SENP5: variants seen among roughly 807,000 people sequenced by gnomAD.
SENP5 encodes the protein SUMO specific peptidase 5, also known as sentrin-specific protease 5.
SENP5 carries 21 observed loss-of-function variants against 74.2 expected under a neutral mutation model. The observed-to-expected ratio is 0.28, with a 90% CI of 0.20 to 0.41. The LOEUF is 0.41. SENP5 is among the 10% of genes least tolerant of loss of function. The pLI is 1.00. For missense variants in SENP5, 717 were observed against 889.1 expected (o/e 0.81, Z 2.46); for synonymous variants, 311 against 312.7 (o/e 0.99, Z 0.06).
intron 6 of SENP5, among the ~76,000 whole-genome samples, chr3:196,907,007 A>G (rs2108843758): frequency 6.6e-6 from 1 of 152,286 alleles, no homozygotes; most frequent in South Asian, 2.1e-4. Flanking sequence ...GGTTATGGAG[A>G]TGAAGGACAA....
In SENP5 at chr3:196,899,986, G is replaced by A; in HGVS notation, c.1682G>A (p.Arg561His). 1.2e-6 allele frequency: 2 copies of A among 1,614,032 alleles called. No individual in the cohort carries two copies. Among genetic ancestry groups the A allele is most frequent in the Non-Finnish European group, 1.7e-6 (2 of 1,179,980 alleles). Reference sequence around the variant, plus strand: ...GCCAGACATCAAAAATGTAACTTCCGTATCTTCTATAATAAACACATGCTG... The same window carrying A: ...GCCAGACATCAAAAATGTAACTTCCATATCTTCTATAATAAACACATGCTG... ...YRARHQKCNF[R>H]IFYNKHMLDM... is the part of the protein sequence containing the mutation. The change falls in exon 4 of 10, where the codon CGT becomes CAT. Residue 561 changes from arginine to histidine, a missense_variant. Arg to His is a conservative substitution (Grantham distance 29, BLOSUM62 0). Coordinates refer to ENST00000323460, the MANE Select transcript of SENP5 (RefSeq NM_152699.5).
intron 2 of SENP5, among the ~76,000 whole-genome samples, chr3:196,898,120 G>A (rs1337735669): frequency 6.6e-6 from 1 of 150,970 alleles, no homozygotes; most frequent in Non-Finnish European, 1.5e-5. Flanking sequence ...GTGGGTTGCA[G>A]TGAGCCGAAA....
chr3:196,891,162 G>C (rs1350695578), intron 2 of SENP5, among the ~76,000 whole-genome samples: 1 of 152,118 alleles, frequency 6.6e-6, no homozygotes, highest in East Asian at 1.9e-4. Context: ...ATGCACCTTG[G>C]AAGCATGCTA....
At position 196,886,529 on chromosome 3, in the gene SENP5, C is replaced by A; in HGVS notation, c.1348C>A (p.Gln450Lys). 6.2e-7 allele frequency: 1 copy of A among 1,613,746 alleles called. No homozygotes were observed. The highest frequency in any genetic ancestry group is 1.1e-5 in the South Asian group (1 of 90,992). Residue 450 changes from glutamine (Q) to lysine (K), a missense_variant, in exon 2 of 10, where the codon CAG becomes AAG. Gln to Lys is a moderately conservative substitution (Grantham distance 53). Coordinates refer to ENST00000323460, the MANE Select transcript of SENP5 (RefSeq NM_152699.5). ...GATGGAGGAGGATGGATCTCTCAAG[C>A]AGAGCATTCTTAGTTCTGAGTTGCT... ...YQMEEDGSLK[Q>K]SILSSELLDH...
intron 9 of SENP5, among the ~76,000 whole-genome samples, chr3:196,930,462 A>C (rs181297773): frequency 6.6e-6 from 1 of 152,354 alleles, no homozygotes; most frequent in Admixed American, 6.5e-5. Context: ...GTTTAAACAG[A>C]CATGAAAATG....
chr3:196,898,302 A>G (rs931604903), intron 2 of SENP5, among the ~76,000 whole-genome samples: 3 of 151,896 alleles, frequency 2.0e-5, no homozygotes, highest in Non-Finnish European at 4.4e-5. Context: ...TTACCTGAAG[A>G]CTGTCCTATG....
chr3:196,899,367 A>G (rs1714599459), intron 2 of SENP5, among the ~76,000 whole-genome samples: 2 of 151,106 alleles, frequency 1.3e-5, no homozygotes, highest in African/African-American at 4.9e-5. Context: ...AGCTGTGGGA[A>G]GCTGTTAGTA....
At chr3:196,929,165 A>G (rs1715929813) in intron 8 of SENP5, 1 of 153,658 alleles carries the variant, frequency 6.5e-6, no homozygotes, top group African/African-American at 2.4e-5. Context: ...GAAAAACCCA[A>G]AACAAAAACC....
At chr3:196,870,006 A>G (rs896242657) in intron 1 of SENP5, among the ~76,000 whole-genome samples, 4 of 152,008 alleles carry the variant, frequency 2.6e-5, no homozygotes, top group Non-Finnish European at 5.9e-5. Flanking sequence ...ATGGCCATTT[A>G]CTTTGTGTTA....
At chr3:196,914,589 ATATATATAT>A (rs1560156957) in intron 6 of SENP5, 2 of 105,826 alleles carry the variant, frequency 1.9e-5, no homozygotes, top group African/African-American at 3.6e-5. Flanking sequence ...AAAAAAAAAT[ATATATATAT>A]ATATATATAT....
intron 6 of SENP5, among the ~76,000 whole-genome samples, chr3:196,906,410 T>C (rs1179647899): frequency 6.6e-6 from 1 of 152,152 alleles, no homozygotes; most frequent in Non-Finnish European, 1.5e-5. Context: ...AGTCTAGTGG[T>C]GGAGACAGCA....
intron 6 of SENP5, among the ~76,000 whole-genome samples, chr3:196,908,526 A>C (rs534893039): frequency 6.6e-6 from 1 of 152,286 alleles, no homozygotes; most frequent in Admixed American, 6.5e-5. Context: ...ATCACAATTA[A>C]AAGAACTAGA....
chr3:196,906,679 T>C (rs1191817931), intron 6 of SENP5, among the ~76,000 whole-genome samples: 1 of 152,184 alleles, frequency 6.6e-6, no homozygotes, highest in Non-Finnish European at 1.5e-5. Flanking sequence ...AAAAGGCTAG[T>C]GTAGCTGAAA....
rs193180577 is a variant in SENP5, at chr3:196,888,577, C to G, written c.1513+1883C>G. Among the ~76,000 whole-genome samples, 146 of 143,868 alleles carry G rather than the reference C, an allele frequency of 1.0e-3. 2 individuals are homozygous for G. In the East Asian group the frequency reaches 0.024, roughly 24 times the overall value. 94.4% of individuals were successfully genotyped at this position (143,868 alleles called of 152,430 possible). A position where few individuals can be genotyped will look rare whatever the true frequency, so the allele number is the denominator to read the frequency against. ...CCAGCCTGGGCGACAGAGCGAGACT[C>G]TCTCACAAAAAAAAAAGAAAGAAAA... On this transcript the variant is annotated intron_variant, in intron 2 of 9. Coordinates refer to ENST00000323460, the MANE Select transcript of SENP5 (RefSeq NM_152699.5).
chr3:196,891,138 A>G (rs1371216436), intron 2 of SENP5, among the ~76,000 whole-genome samples: 1 of 152,238 alleles, frequency 6.6e-6, no homozygotes, highest in Non-Finnish European at 1.5e-5. Flanking sequence ...ACACCGATAT[A>G]TACTTAAATG....
At chr3:196,879,027 A>T (rs1039181989) in intron 1 of SENP5, among the ~76,000 whole-genome samples, 12 of 152,218 alleles carry the variant, frequency 7.9e-5, no homozygotes, top group African/African-American at 2.4e-4. Flanking sequence ...TCCCTCCAAG[A>T]TACCACTGTA....
chr3:196,890,174 A>G (rs1714142802), intron 2 of SENP5, among the ~76,000 whole-genome samples: 1 of 152,222 alleles, frequency 6.6e-6, no homozygotes, highest in African/African-American at 2.4e-5. Context: ...GTAGAGATGA[A>G]CTAACAGTCT....
At chr3:196,869,151 T>C (rs1713086505) in intron 1 of SENP5, among the ~76,000 whole-genome samples, 1 of 151,634 alleles carries the variant, frequency 6.6e-6, no homozygotes, top group Non-Finnish European at 1.5e-5. Context: ...AAAAGCTTGG[T>C]ATGTAGAGGA....
At chr3:196,917,879 C>T (rs1650377159) in intron 6 of SENP5, among the ~76,000 whole-genome samples, 1 of 152,174 alleles carries the variant, frequency 6.6e-6, no homozygotes, top group Non-Finnish European at 1.5e-5. Context: ...ACAAAACTCA[C>T]TGGTATCAGT....
Sources: allele counts gnomAD v4.1 joint callset (sites outside exome capture counted in the v4.1 genomes callset), GRCh38; gene constraint gnomAD v4.1.1; transcripts MANE v1.5; gene names NCBI Gene and HGNC (gene_info 2026-07-23, HGNC 2026-07-21).